The following PCDH9 variants were observed in gnomAD, a reference collection of about 807,000 sequenced individuals.
PCDH9 encodes protocadherin-9.
In PCDH9, 24 loss-of-function variants were observed where a neutral mutation model predicts 70.6. That is an observed-to-expected ratio of 0.34 (90% CI 0.25 to 0.48). The LOEUF is 0.48. Among genes scored for constraint, PCDH9 ranks in the 20% least tolerant of loss-of-function variants. PCDH9 has a pLI of 0.99. For missense variants in PCDH9, 1,281 were observed against 1,503.6 expected (o/e 0.85, Z 2.45); for synonymous variants, 562 against 558.5 (o/e 1.01, Z -0.09).
intron 3 of PCDH9, among the ~76,000 whole-genome samples, chr13:66,697,211 A>G (rs1286969366): frequency 6.6e-6 from 1 of 152,184 alleles, no homozygotes; most frequent in East Asian, 1.9e-4. Context: ...ACAACTTAAT[A>G]ATATTAGGAC....
At chr13:67,144,056 C>G (rs183502923) in intron 2 of PCDH9, among the ~76,000 whole-genome samples, 5 of 152,104 alleles carry the variant, frequency 3.3e-5, no homozygotes, top group East Asian at 1.9e-4. Context: ...TCCCTTTAGT[C>G]CAAGGAAGGC....
intron 2 of PCDH9, among the ~76,000 whole-genome samples, chr13:66,995,611 CA>C (rs1241083414): frequency 6.6e-6 from 1 of 152,104 alleles, no homozygotes; most frequent in East Asian, 1.9e-4. Context: ...TTTAATTTCA[CA>C]AAGTTAAGAT....
intron 3 of PCDH9, among the ~76,000 whole-genome samples, chr13:66,641,067 G>A (rs555869401): frequency 1.3e-5 from 2 of 152,168 alleles, no homozygotes; most frequent in South Asian, 4.2e-4. Context: ...TAGAGATGGA[G>A]TTTCGCCATG....
intron 2 of PCDH9, among the ~76,000 whole-genome samples, chr13:66,965,119 T>A (rs2139734240): frequency 6.6e-6 from 1 of 152,150 alleles, no homozygotes; most frequent in Non-Finnish European, 1.5e-5. Context: ...AAAATAATTA[T>A]GTTATATAAT....
intron 4 of PCDH9, among the ~76,000 whole-genome samples, chr13:66,585,339 T>A (rs187350321): frequency 6.6e-6 from 1 of 152,160 alleles, no homozygotes; most frequent in Admixed American, 6.6e-5. Flanking sequence ...TTTTTCAATA[T>A]AGCTAGTACC....
intron 2 of PCDH9, among the ~76,000 whole-genome samples, chr13:67,003,878 GTA>G (rs1268111368): frequency 6.6e-6 from 1 of 152,138 alleles, no homozygotes; most frequent in African/African-American, 2.4e-5. Context: ...TCCTTAAAAG[GTA>G]TATCTGTCAC....
intron 4 of PCDH9, among the ~76,000 whole-genome samples, chr13:66,528,227 G>T (rs1456815135): frequency 6.6e-6 from 1 of 152,180 alleles, no homozygotes; most frequent in South Asian, 2.1e-4. Context: ...TATAATTTCC[G>T]AAAGATCCAC....
At chr13:66,616,340 A>G (rs2077355303) in intron 4 of PCDH9, among the ~76,000 whole-genome samples, 1 of 152,154 alleles carries the variant, frequency 6.6e-6, no homozygotes, top group Non-Finnish European at 1.5e-5. Context: ...ACTTTTTGCA[A>G]ATAATCAGGC....
rs532158567 is a variant in PCDH9, at chr13:66,677,246, T to A, written c.3139-45835A>T. Among the ~76,000 whole-genome samples the A allele has an allele frequency of 1.1e-3, 166 of 152,252 alleles. 3 individuals carry two copies. Among genetic ancestry groups the A allele is most frequent in the African/African-American group, 3.8e-3 (156 of 41,556 alleles). The stretch of plus-strand genomic sequence containing the variant: ...ATGGGAAATTTCATTTTAGGTATTT[T>A]AAAATGAGAAGAAATGCATGTCTAA... On this transcript the variant is annotated intron_variant, in intron 3 of 4. Transcript: ENST00000377865.
At chr13:66,450,797 C>T (rs548271394) in intron 4 of PCDH9, among the ~76,000 whole-genome samples, 4 of 152,250 alleles carry the variant, frequency 2.6e-5, no homozygotes, top group East Asian at 3.9e-4. Flanking sequence ...GGGCAGATCA[C>T]GAGGTCAGGA....
intron 2 of PCDH9, among the ~76,000 whole-genome samples, chr13:67,004,552 C>CAAAAA (rs34776193): frequency 5.6e-5 from 7 of 123,958 alleles, no homozygotes; most frequent in South Asian, 5.2e-4. Flanking sequence ...GACTCCGTCT[C>CAAAAA]AAAAAAAAAA....
intron 3 of PCDH9, among the ~76,000 whole-genome samples, chr13:66,727,187 C>T (rs1390942839): frequency 6.6e-6 from 1 of 152,052 alleles, no homozygotes; most frequent in East Asian, 1.9e-4. Context: ...TCCCCTGAGC[C>T]CAGTCCAAGG....
In PCDH9 at chr13:67,123,031, G is replaced by A. The variant is rs116352092; in HGVS notation, c.3036+102374C>T. Among the ~76,000 whole-genome samples the A allele has an allele frequency of 9.5e-3, 1,437 of 151,922 alleles. 30 individuals are homozygous for A. The highest frequency in any genetic ancestry group is 0.033 in the African/African-American group (1,351 of 41,438). ...TGTGCAGATTTCCTGTTTGTTTTGG[G>A]CATTAATTCCTTCATTCCTTAATCG... is the stretch of plus-strand genomic sequence containing the variant. On this transcript the variant is annotated intron_variant, in intron 2 of 4. Coordinates refer to ENST00000377865, the MANE Select transcript of PCDH9 (RefSeq NM_203487.3).
chr13:67,227,335 C>G lies in PCDH9; in HGVS notation c.1106G>C (p.Gly369Ala). The G allele has an allele frequency of 6.2e-7, 1 of 1,613,828 alleles. No homozygotes were observed. The highest frequency in any genetic ancestry group is 1.3e-5 in the African/African-American group (1 of 75,014). The change falls in exon 2 of 5, where the codon GGC (glycine) becomes GCC (alanine). Residue 369 changes from glycine (G) to alanine (A), a missense_variant. Gly to Ala is a moderately conservative substitution (Grantham distance 60). Transcript: ENST00000377865. This position sits in a 1 kb window ranked among gnomAD's most constrained non-coding sequence, Gnocchi z 4.6. The stretch of plus-strand genomic sequence containing the variant: ...ATCTTTCTCAGATAAATACACGGTG[C>G]CATTGATGGGACTTATAATGTACCT... ...DLRYIISPIN[G>A]TVYLSEKDPV... is the part of the protein sequence containing the mutation.
intron 2 of PCDH9, among the ~76,000 whole-genome samples, chr13:67,012,260 A>G (rs950166830): frequency 1.3e-5 from 2 of 151,710 alleles, no homozygotes; most frequent in African/African-American, 4.8e-5. Context: ...CAATAAATGT[A>G]ACCTTATAAA....
intron 2 of PCDH9, among the ~76,000 whole-genome samples, chr13:67,095,997 AC>A (rs2086311445): frequency 1.3e-5 from 2 of 152,212 alleles, no homozygotes; most frequent in Non-Finnish European, 2.9e-5. Context: ...AAAATTATAC[AC>A]ATTATAGTAA....
chr13:66,613,763 C>CT (rs59877796), intron 4 of PCDH9, among the ~76,000 whole-genome samples: 141,349 of 152,198 alleles, frequency 0.93, 66,575 homozygotes, highest in East Asian at 1. Context: ...AAAAAGAGCT[C>CT]AATTAATTTG....
At chr13:66,734,014 G>T (rs1361913048) in intron 3 of PCDH9, among the ~76,000 whole-genome samples, 3 of 152,088 alleles carry the variant, frequency 2.0e-5, no homozygotes, top group Non-Finnish European at 4.4e-5. Flanking sequence ...TTTTTGCTTA[G>T]GTCAGGGGCT....
At chr13:66,849,949 C>T (rs917839923) in intron 3 of PCDH9, among the ~76,000 whole-genome samples, 1 of 152,120 alleles carries the variant, frequency 6.6e-6, no homozygotes, top group African/African-American at 2.4e-5. Context: ...GTATGCATCA[C>T]TCTACAGGGA....
Sources: gnomAD v4.1 joint callset for allele counts (sites outside exome capture counted in the v4.1 genomes callset) on GRCh38, gnomAD v4.1.1 for gene constraint, Gnocchi (gnomAD v3.1) non-coding constraint, MANE v1.5 for transcripts, NCBI Gene and HGNC (gene_info 2026-07-23, HGNC 2026-07-21) for gene names.